LRRTM4: variants seen among roughly 807,000 people sequenced by gnomAD.
The protein encoded by LRRTM4 is leucine rich repeat transmembrane neuronal 4, also known as leucine-rich repeat transmembrane neuronal protein 4.
In LRRTM4, 25 loss-of-function variants were observed where a neutral mutation model predicts 47.6. The observed-to-expected ratio is 0.53, with a 90% CI of 0.38 to 0.73. The LOEUF (loss-of-function observed/expected upper bound fraction) is 0.73, where lower values mean the gene tolerates loss of function less well. Ranked by LOEUF, LRRTM4 falls within the 30% of genes least tolerant of loss-of-function variation. LRRTM4 has a pLI of 0.00. For missense variants in LRRTM4, 638 were observed against 713.4 expected, an observed-to-expected ratio of 0.89 and a Z score of 1.20; for synonymous variants, 311 against 269.5, an observed-to-expected ratio of 1.15 and a Z score of -1.51.
intron 3 of LRRTM4, among the ~76,000 whole-genome samples, chr2:77,374,060 C>A (rs1298828852): frequency 6.6e-6 from 1 of 151,704 alleles, no homozygotes; most frequent in African/African-American, 2.4e-5. Context: ...AGCTAGAGGG[C>A]AAGCTTATAT....
chr2:77,190,242 A>G (rs1673629195), intron 3 of LRRTM4, among the ~76,000 whole-genome samples: 1 of 150,984 alleles, frequency 6.6e-6, no homozygotes, highest in South Asian at 2.1e-4. Flanking sequence ...GATGGGGCCC[A>G]TAACTAATAT....
chr2:77,506,935 C>T (rs1488226109), intron 3 of LRRTM4, among the ~76,000 whole-genome samples: 1 of 152,092 alleles, frequency 6.6e-6, no homozygotes, highest in East Asian at 1.9e-4. Context: ...CAATCATATA[C>T]ATACAGTTTC....
At chr2:76,827,830 T>C (rs1041001712) in intron 3 of LRRTM4, among the ~76,000 whole-genome samples, 5 of 151,916 alleles carry the variant, frequency 3.3e-5, no homozygotes, top group African/African-American at 1.2e-4. Flanking sequence ...CTATTTCTTC[T>C]AGGGAACTAG....
chr2:76,982,491 T>C (rs1442586983), intron 3 of LRRTM4, among the ~76,000 whole-genome samples: 2 of 152,096 alleles, frequency 1.3e-5, no homozygotes, highest in Non-Finnish European at 1.5e-5. Context: ...TAAATTTTCA[T>C]AATTCTTTGC....
intron 3 of LRRTM4, among the ~76,000 whole-genome samples, chr2:77,389,704 C>T (rs549878458): frequency 8.0e-4 from 122 of 152,056 alleles, no homozygotes; most frequent in Middle Eastern, 3.4e-3. Flanking sequence ...AAGAAAGCAC[C>T]GCCAAATGAG....
At chr2:77,032,383 A>G (rs761976862) in intron 3 of LRRTM4, among the ~76,000 whole-genome samples, 2 of 152,116 alleles carry the variant, frequency 1.3e-5, no homozygotes, top group African/African-American at 4.8e-5. Context: ...TCCTCACAGC[A>G]TTTACCATTG....
chr2:77,352,562 G>T (rs1232002967), intron 3 of LRRTM4, among the ~76,000 whole-genome samples: 3 of 152,062 alleles, frequency 2.0e-5, no homozygotes, highest in African/African-American at 7.2e-5. Context: ...TGCTCCAGGT[G>T]TTTTCATTTG....
chr2:77,397,781 C>T (rs186750305), intron 3 of LRRTM4, among the ~76,000 whole-genome samples: 2 of 151,894 alleles, frequency 1.3e-5, no homozygotes, highest in East Asian at 3.9e-4. Flanking sequence ...AAAAGTGATA[C>T]CTTGAGTATA....
intron 3 of LRRTM4, among the ~76,000 whole-genome samples, chr2:77,204,216 C>T (rs1674057667): frequency 6.6e-6 from 1 of 151,932 alleles, no homozygotes; most frequent in African/African-American, 2.4e-5. Context: ...CTGGGTGGGC[C>T]AGGGTGAAAT....
At chr2:76,939,830 G>A (rs1675076228) in intron 3 of LRRTM4, among the ~76,000 whole-genome samples, 1 of 151,836 alleles carries the variant, frequency 6.6e-6, no homozygotes, top group Non-Finnish European at 1.5e-5. Flanking sequence ...TCATTTCTCA[G>A]GAAATTTTGA....
At chr2:77,518,193 T>C in intron 3 of LRRTM4, 125 bp downstream of exon 3, 2 of 1,348,126 alleles carry the variant, frequency 1.5e-6, no homozygotes, top group Non-Finnish European at 1.9e-6. Flanking sequence ...CCTTTCACAC[T>C]GAGCAAAACC....
At chr2:77,107,316 ATGCT>A (rs1327277598) in intron 3 of LRRTM4, among the ~76,000 whole-genome samples, 5 of 152,078 alleles carry the variant, frequency 3.3e-5, no homozygotes, top group Non-Finnish European at 5.9e-5. Context: ...TGCAAAAAAT[ATGCT>A]TGATTAAATC....
intron 3 of LRRTM4, among the ~76,000 whole-genome samples, chr2:77,476,570 C>T (rs891176631): frequency 2.6e-5 from 4 of 151,836 alleles, no homozygotes; most frequent in Non-Finnish European, 4.4e-5. Context: ...GTAGAAACTA[C>T]GAATTGTAGT....
intron 3 of LRRTM4, among the ~76,000 whole-genome samples, chr2:77,449,529 A>C: frequency 6.6e-6 from 1 of 152,290 alleles, no homozygotes; most frequent in Non-Finnish European, 1.5e-5. Context: ...CCAAAGTTAT[A>C]GAAACTAAAA....
chr2:77,166,993 G>A (rs778516378), intron 3 of LRRTM4, among the ~76,000 whole-genome samples: 84 of 152,040 alleles, frequency 5.5e-4, no homozygotes, highest in Non-Finnish European at 7.5e-4. Context: ...ACACAGCAAA[G>A]GAAACTACCA....
At chr2:77,461,748 A>G (rs1251288068) in intron 3 of LRRTM4, among the ~76,000 whole-genome samples, 1 of 152,090 alleles carries the variant, frequency 6.6e-6, no homozygotes, top group Non-Finnish European at 1.5e-5. Context: ...TTTTCTGAGC[A>G]TGCCCTGCTC....
chr2:77,033,068 G>T (rs1489540268), intron 3 of LRRTM4, among the ~76,000 whole-genome samples: 1 of 151,994 alleles, frequency 6.6e-6, no homozygotes, highest in African/African-American at 2.4e-5. Context: ...ATGGTAATCT[G>T]ATGTTTTAAA....
intron 3 of LRRTM4, among the ~76,000 whole-genome samples, chr2:77,179,672 T>C (rs1361720511): frequency 6.6e-6 from 1 of 152,144 alleles, no homozygotes; most frequent in Admixed American, 6.5e-5. Flanking sequence ...ATAAGGTTGA[T>C]TCGGGCTTCA....
chr2:76,802,428 A>G lies in LRRTM4; in HGVS notation c.1552-53512T>C, dbSNP rs911189918. 3.3e-5 allele frequency among the ~76,000 whole-genome samples: 5 copies of G among 152,118 alleles called. No homozygotes were observed. In the East Asian group the frequency reaches 5.8e-4, roughly 18 times the overall value. On this transcript the variant is annotated intron_variant, in intron 3 of 3. Coordinates refer to ENST00000409884, the MANE Select transcript of LRRTM4 (RefSeq NM_001134745.3). ...ATTTAACCAGTGAGGTAAAAGATCTATATACTGAAAACAAAAATAATTGAT... is the reference window on the plus strand; with the variant it reads ...ATTTAACCAGTGAGGTAAAAGATCTGTATACTGAAAACAAAAATAATTGAT...
Sources: allele counts gnomAD v4.1 joint callset (sites outside exome capture counted in the v4.1 genomes callset), GRCh38; gene constraint gnomAD v4.1.1; transcripts MANE v1.5; gene names NCBI Gene and HGNC (gene_info 2026-07-23, HGNC 2026-07-21).